Variants in CLNK observed in about 807,000 individuals in gnomAD.
The protein encoded by CLNK is cytokine dependent hematopoietic cell linker.
A neutral mutation model predicts 68.6 loss-of-function variants in CLNK; 74 were observed. The observed-to-expected ratio is 1.08, with a 90% confidence interval of 0.89 to 1.31. The LOEUF is 1.31. CLNK is among the 50% of genes most tolerant of loss of function. The pLI, the probability that CLNK is intolerant of heterozygous loss-of-function variation, is 0.00. For missense variants in CLNK, 553 were observed against 515.3 expected (o/e 1.07, Z -0.71); for synonymous variants, 198 against 172.2 (o/e 1.15, Z -1.17).
At chr4:10,630,614 CT>C (rs1389492201) in intron 2 of CLNK, among the ~76,000 whole-genome samples, 2 of 152,172 alleles carry the variant, frequency 1.3e-5, no homozygotes, top group Non-Finnish European at 2.9e-5. Context: ...GCTTATATAC[CT>C]TTCCCCAAGT....
At chr4:10,543,398 C>T (rs1269524282) in intron 8 of CLNK, among the ~76,000 whole-genome samples, 1 of 152,160 alleles carries the variant, frequency 6.6e-6, no homozygotes, top group Non-Finnish European at 1.5e-5. Flanking sequence ...CCACTGAACA[C>T]CGGCTGGGTG....
intron 14 of CLNK, 95 bp from the exon 15 acceptor site, chr4:10,520,926 G>T: frequency 2.3e-6 from 2 of 879,076 alleles, no homozygotes; most frequent in Non-Finnish European, 3.7e-6. Flanking sequence ...ATAGCCTGAA[G>T]TCACAGTTAT....
intron 2 of CLNK, among the ~76,000 whole-genome samples, chr4:10,636,575 A>C (rs992359127): frequency 1.3e-5 from 2 of 152,130 alleles, no homozygotes; most frequent in Non-Finnish European, 2.9e-5. Context: ...TAAGCAAATG[A>C]ATCATGGGAC....
intron 2 of CLNK, among the ~76,000 whole-genome samples, chr4:10,600,952 G>A (rs1721569955): frequency 6.6e-6 from 1 of 152,200 alleles, no homozygotes; most frequent in Non-Finnish European, 1.5e-5. Flanking sequence ...CTTCCTGGGT[G>A]CCTCGAGAAC....
rs180887151 is a variant in CLNK at position 10,624,316 on chromosome 4, T to G, written c.12-26267A>C. Among the ~76,000 whole-genome samples the G allele has an allele frequency of 8.1e-3, 1,163 of 144,144 alleles. 11 individuals carry two copies. Among genetic ancestry groups the G allele is most frequent in the Middle Eastern group, 0.076 (22 of 288 alleles). The allele number at this position is 144,144 out of a possible 152,430, so 94.6% of individuals were successfully genotyped here. A position where few individuals can be genotyped will look rare whatever the true frequency, so the allele number is the denominator to read the frequency against. ...AGATTAGTGTCCAGTAGTTTTTTGG[T>G]TTTTTTTTGAGACGGAGTCTCGCTC... On this transcript the variant is annotated intron_variant, in intron 2 of 18. Transcript: ENST00000226951.
At chr4:10,614,821 C>T (rs1204205478) in intron 2 of CLNK, among the ~76,000 whole-genome samples, 1 of 152,158 alleles carries the variant, frequency 6.6e-6, no homozygotes, top group Non-Finnish European at 1.5e-5. Flanking sequence ...CCTATGAGTA[C>T]CCACTCTCCT....
At chr4:10,585,897 C>T (rs1191221029) in intron 3 of CLNK, among the ~76,000 whole-genome samples, 1 of 152,148 alleles carries the variant, frequency 6.6e-6, no homozygotes, top group Non-Finnish European at 1.5e-5. Context: ...GGTCCTCAAC[C>T]ATTTTGGCAT....
intron 2 of CLNK, among the ~76,000 whole-genome samples, chr4:10,638,999 G>A (rs150538440): frequency 1.1e-4 from 16 of 152,298 alleles, no homozygotes; most frequent in Admixed American, 2.0e-4. Flanking sequence ...CACATTCTGC[G>A]ATGCTGGGGG....
rs1490404186 is a variant in CLNK at position 10,665,812 on chromosome 4, T to C, written c.11+2047A>G. ...CTGAAGAGGGGAGTGAGTGTGAAGA[T>C]AAAGGCTGCTGCCCTGGACTGAATG... On this transcript the variant is annotated intron_variant, in intron 2 of 18. Coordinates refer to ENST00000226951, the MANE Select transcript of CLNK (RefSeq NM_052964.4). Among the ~76,000 whole-genome samples, 5 of 152,030 alleles carry C rather than the reference T, an allele frequency of 3.3e-5. No individual in the cohort carries two copies. In the East Asian group the frequency reaches 9.6e-4, roughly 29 times the overall value.
chr4:10,625,742 A>G (rs1474599882), intron 2 of CLNK, among the ~76,000 whole-genome samples: 1 of 152,168 alleles, frequency 6.6e-6, no homozygotes, highest in East Asian at 1.9e-4. Context: ...CAGGAAATAG[A>G]GAGACAGAGA....
intron 4 of CLNK, among the ~76,000 whole-genome samples, chr4:10,572,585 T>C (rs1433185672): frequency 6.6e-6 from 1 of 152,220 alleles, no homozygotes; most frequent in Non-Finnish European, 1.5e-5. Flanking sequence ...ATTTCCTTTT[T>C]TAAATTAAAT....
chr4:10,564,028 T>C (rs2904113), intron 7 of CLNK, among the ~76,000 whole-genome samples: 35,254 of 151,982 alleles, frequency 0.23, 4,366 homozygotes, highest in African/African-American at 0.31. Context: ...TTAAGAAAAT[T>C]AAGTGTTAGC....
At chr4:10,545,264 T>C (rs1719180751) in intron 8 of CLNK, among the ~76,000 whole-genome samples, 1 of 152,116 alleles carries the variant, frequency 6.6e-6, no homozygotes, top group Non-Finnish European at 1.5e-5. Flanking sequence ...ACTTCCAAGA[T>C]GCAATTGTGG....
chr4:10,558,800 A>G lies in CLNK; in HGVS notation c.400-348T>C, dbSNP rs959151995. ...TCATTCATGTCCCTGAGTTAACATG[A>G]AGATCCATCTATGGGATCAGGTACA... On this transcript the variant is annotated intron_variant, in intron 7 of 18. Transcript: ENST00000226951. Among the ~76,000 whole-genome samples the G allele has an allele frequency of 5.3e-5, 8 of 152,208 alleles. No individual in the cohort carries two copies. In the South Asian group the frequency reaches 1.7e-3, roughly 32 times the overall value.
chr4:10,591,616 T>C (rs1343539161), intron 3 of CLNK, among the ~76,000 whole-genome samples: 2 of 152,218 alleles, frequency 1.3e-5, no homozygotes, highest in African/African-American at 2.4e-5. Flanking sequence ...GCAGATCATG[T>C]CTGGGTCTAT....
At chr4:10,638,545 G>T (rs1389968978) in intron 2 of CLNK, among the ~76,000 whole-genome samples, 1 of 152,216 alleles carries the variant, frequency 6.6e-6, no homozygotes, top group Non-Finnish European at 1.5e-5. Context: ...TTGAAAATGT[G>T]TGTGACAGTG....
At chr4:10,534,724 T>C (rs898622315) in intron 11 of CLNK, among the ~76,000 whole-genome samples, 7 of 152,322 alleles carry the variant, frequency 4.6e-5, no homozygotes, top group Non-Finnish European at 8.8e-5. Context: ...TATCCTGAGA[T>C]AAAATTATGG....
chr4:10,723,387 A>G, the CLNK span, among the ~76,000 whole-genome samples: 1 of 152,202 alleles, frequency 6.6e-6, no homozygotes, highest in Non-Finnish European at 1.5e-5. Flanking sequence ...ATGGATAAAG[A>G]CTAAATTCTA....
At chr4:10,621,939 G>A (rs1426944412) in intron 2 of CLNK, among the ~76,000 whole-genome samples, 3 of 152,154 alleles carry the variant, frequency 2.0e-5, no homozygotes, top group Non-Finnish European at 2.9e-5. Flanking sequence ...CTGTGATTGC[G>A]ATGCTGAGAA....
Sources: allele counts gnomAD v4.1 joint callset (sites outside exome capture counted in the v4.1 genomes callset), GRCh38; gene constraint gnomAD v4.1.1; transcripts MANE v1.5; gene names NCBI Gene and HGNC (gene_info 2026-07-23, HGNC 2026-07-21).